ERP44: variants seen among roughly 807,000 people sequenced by gnomAD.
ERP44 encodes endoplasmic reticulum protein 44.
ERP44 carries 25 observed loss-of-function variants against 53.4 expected under a neutral mutation model. That is an observed-to-expected ratio of 0.47 (90% CI 0.34 to 0.65). The LOEUF (loss-of-function observed/expected upper bound fraction) is 0.65, where lower values mean the gene tolerates loss of function less well. ERP44 is among the 30% of genes least tolerant of loss of function. The probability of loss-of-function intolerance (pLI) is 0.01; values close to 1 mark genes in which losing one functional copy is unlikely to be tolerated. For missense variants in ERP44, 338 were observed against 493.2 expected (o/e 0.69, Z 2.98); for synonymous variants, 145 against 161.2 (o/e 0.90, Z 0.76).
At chr9:100,013,209 C>T (rs1830494178) in intron 8 of ERP44, among the ~76,000 whole-genome samples, 1 of 152,062 alleles carries the variant, frequency 6.6e-6, no homozygotes, top group African/African-American at 2.4e-5. Context: ...TATACATACA[C>T]CTTAGTAACA....
At chr9:100,069,720 C>T (rs1826278236) in intron 1 of ERP44, among the ~76,000 whole-genome samples, 1 of 152,090 alleles carries the variant, frequency 6.6e-6, no homozygotes, top group Non-Finnish European at 1.5e-5. Flanking sequence ...AAATTCCATA[C>T]CTCCAAAAAG....
At chr9:100,097,151 A>T (rs941820827) in intron 1 of ERP44, among the ~76,000 whole-genome samples, 1 of 152,194 alleles carries the variant, frequency 6.6e-6, no homozygotes, top group African/African-American at 2.4e-5. Flanking sequence ...GATTTTAGTT[A>T]AATCTAGATT....
At chr9:100,044,911 C>T (rs996651209) in intron 4 of ERP44, among the ~76,000 whole-genome samples, 3 of 152,080 alleles carry the variant, frequency 2.0e-5, no homozygotes, top group Non-Finnish European at 4.4e-5. Context: ...TGTAATAGGA[C>T]ATTTTAAGTT....
intron 8 of ERP44, among the ~76,000 whole-genome samples, chr9:100,009,364 G>A (rs892746355): frequency 5.3e-5 from 8 of 151,114 alleles, no homozygotes; most frequent in East Asian, 2.0e-4. Flanking sequence ...CATCCCCCTC[G>A]GCCTCCCAAA....
intron 1 of ERP44, among the ~76,000 whole-genome samples, chr9:100,061,430 C>A (rs1007120647): frequency 1.3e-5 from 2 of 149,984 alleles, no homozygotes; most frequent in Non-Finnish European, 3.0e-5. Flanking sequence ...GGCAACAGAG[C>A]AAGACTCCGT....
intron 10 of ERP44, among the ~76,000 whole-genome samples, chr9:99,991,024 T>C (rs574789313): frequency 1.3e-5 from 2 of 152,232 alleles, no homozygotes; most frequent in East Asian, 3.9e-4. Flanking sequence ...AGCAAGTCCT[T>C]AGAGACCTAC....
In ERP44 at chr9:100,023,400, T is replaced by TA. The variant is rs1477870459; in HGVS notation, c.287-1175dup. On this transcript the variant is annotated intron_variant, in intron 4 of 11. Coordinates refer to ENST00000262455, the MANE Select transcript of ERP44 (RefSeq NM_015051.3). ...CAATGATAAATAACCTGAGAAATCA[T>TA]AAAAAAAAAAAAAATAAGAAACTTT... Among the ~76,000 whole-genome samples, 429 of 121,112 alleles carry TA rather than the reference T, an allele frequency of 3.5e-3. 1 individual carries two copies. Among genetic ancestry groups the TA allele is most frequent in the African/African-American group, 6.7e-3 (221 of 33,066 alleles). The allele number at this position is 121,112 out of a possible 152,430, so 79.5% of individuals were successfully genotyped here. A position where few individuals can be genotyped will look rare whatever the true frequency, so the allele number is the denominator to read the frequency against.
intron 4 of ERP44, among the ~76,000 whole-genome samples, chr9:100,039,695 T>C (rs982025114): frequency 1.3e-5 from 2 of 151,872 alleles, no homozygotes; most frequent in African/African-American, 4.8e-5. Flanking sequence ...TAAATGAAAT[T>C]GAATTGAAAA....
intron 8 of ERP44, among the ~76,000 whole-genome samples, chr9:100,007,981 G>A (rs1476934224): frequency 6.6e-6 from 1 of 152,206 alleles, no homozygotes; most frequent in Non-Finnish European, 1.5e-5. Context: ...AGACTTCAGG[G>A]TTAGGCTGTT....
intron 1 of ERP44, among the ~76,000 whole-genome samples, chr9:100,078,451 C>CA (rs1826383221): frequency 1.2e-5 from 1 of 82,826 alleles, no homozygotes; most frequent in African/African-American, 6.0e-5. Context: ...GAGCAAGACT[C>CA]TATCAAAAAA....
chr9:100,070,578 T>C (rs1017873999), intron 1 of ERP44, among the ~76,000 whole-genome samples: 6 of 152,390 alleles, frequency 3.9e-5, no homozygotes, highest in African/African-American at 1.4e-4. Context: ...ACACTGTTAC[T>C]GAACAATCTT....
At chr9:100,028,856 T>C (rs1830681184) in intron 4 of ERP44, among the ~76,000 whole-genome samples, 1 of 152,232 alleles carries the variant, frequency 6.6e-6, no homozygotes, top group African/African-American at 2.4e-5. Flanking sequence ...TGAGAAATGA[T>C]GCACAAGAGT....
intron 1 of ERP44, among the ~76,000 whole-genome samples, chr9:100,097,122 T>C (rs1826642350): frequency 6.6e-6 from 1 of 152,174 alleles, no homozygotes; most frequent in African/African-American, 2.4e-5. Context: ...CTTAGAAAGA[T>C]AATTATACAA....
rs555882561 is a variant in ERP44, at chr9:99,980,336, G to A, written c.*2276C>T. The A allele has an allele frequency of 6.5e-6, 2 of 309,854 alleles. No homozygotes were observed. The highest frequency in any genetic ancestry group is 2.1e-5 in the African/African-American group (1 of 46,692). 19.2% of individuals were successfully genotyped at this position (309,854 alleles called of 1,614,324 possible). A position where few individuals can be genotyped will look rare whatever the true frequency, so the allele number is the denominator to read the frequency against. ...ACCAAAAAACTTGCACTGAATAAATGTCAGACTGAAATCTGCTTCCCTGTG... is the reference window on the plus strand; with the variant it reads ...ACCAAAAAACTTGCACTGAATAAATATCAGACTGAAATCTGCTTCCCTGTG... On this transcript the variant is annotated 3_prime_UTR_variant, in exon 12 of 12. Transcript: ENST00000262455.
At chr9:100,066,104 T>C (rs1450496221) in intron 1 of ERP44, among the ~76,000 whole-genome samples, 1 of 152,250 alleles carries the variant, frequency 6.6e-6, no homozygotes, top group Non-Finnish European at 1.5e-5. Context: ...TTGATTCCTA[T>C]GCACACTAAA....
At chr9:100,001,264 A>G (rs1473971935) in intron 10 of ERP44, among the ~76,000 whole-genome samples, 5 of 152,180 alleles carry the variant, frequency 3.3e-5, no homozygotes, top group Non-Finnish European at 5.9e-5. Context: ...GGCCTAACAT[A>G]TGATCTATCC....
intron 4 of ERP44, among the ~76,000 whole-genome samples, chr9:100,031,391 C>T (rs908217602): frequency 5.3e-5 from 8 of 152,216 alleles, no homozygotes; most frequent in African/African-American, 1.9e-4. Context: ...CTCTAGCCTC[C>T]TTCAGGGAAG....
chr9:100,075,149 C>T (rs529395266), intron 1 of ERP44, among the ~76,000 whole-genome samples: 127 of 152,314 alleles, frequency 8.3e-4, no homozygotes, highest in African/African-American at 3.0e-3. Context: ...AGCACATCCC[C>T]ATTCTACTCT....
intron 11 of ERP44, 90 bp from the exon 12 acceptor site, chr9:99,982,803 C>A: frequency 1.6e-6 from 1 of 618,058 alleles, no homozygotes; most frequent in Admixed American, 3.8e-5. Context: ...TAGTAGTTCC[C>A]CTATAATTAT....
Sources: gnomAD v4.1 joint callset for allele counts (sites outside exome capture counted in the v4.1 genomes callset) on GRCh38, gnomAD v4.1.1 for gene constraint, MANE v1.5 for transcripts, NCBI Gene and HGNC (gene_info 2026-07-23, HGNC 2026-07-21) for gene names.